Variants in SDK1 observed in about 807,000 individuals in gnomAD.
SDK1 encodes protein sidekick-1.
Under a neutral mutation model 245.5 loss-of-function variants are expected in SDK1, and 157 were observed. The observed-to-expected ratio is 0.64, with a 90% CI of 0.56 to 0.73. The LOEUF (loss-of-function observed/expected upper bound fraction) is 0.73, where lower values mean the gene tolerates loss of function less well. Among genes scored for constraint, SDK1 ranks in the 30% least tolerant of loss-of-function variants. The probability of loss-of-function intolerance (pLI) is 0.00; values close to 1 mark genes in which losing one functional copy is unlikely to be tolerated. For missense variants in SDK1, 3,583 were observed against 3,002.3 expected, an observed-to-expected ratio of 1.19 and a Z score of -4.52; for synonymous variants, 1,647 against 1,278.5, an observed-to-expected ratio of 1.29 and a Z score of -6.15.
At chr7:4,161,257 C>T (rs773953623) in intron 31 of SDK1, among the ~76,000 whole-genome samples, 38 of 152,162 alleles carry the variant, frequency 2.5e-4, no homozygotes, top group Non-Finnish European at 5.0e-4. Flanking sequence ...AGAGCAGAAC[C>T]ATGGCAGACT....
At chr7:3,951,640 T>C in intron 6 of SDK1, 90 bp from the exon 7 acceptor site, 1 of 1,166,976 alleles carries the variant, frequency 8.6e-7, no homozygotes, top group Non-Finnish European at 1.2e-6. Flanking sequence ...AGCATTAGCT[T>C]CGTCAAGCCT....
rs1781804636 is a variant in SDK1 at position 3,962,825 on chromosome 7, A to G, written c.1403A>G (p.Gln468Arg). ...GCCAGCAATGAAGGAGGGGAGATCCAGACCCACACCTACCTGGATGTAACC... is the reference window on the plus strand; with the variant it reads ...GCCAGCAATGAAGGAGGGGAGATCCGGACCCACACCTACCTGGATGTAACC... ...CFASNEGGEIQTHTYLDVTNI... is the reference protein window; with the variant it reads ...CFASNEGGEIRTHTYLDVTNI... Residue 468 changes from glutamine (Q) to arginine (R), a missense_variant, in exon 9 of 45, where the codon CAG becomes CGG. By Grantham distance (43) the Gln-to-Arg change is conservative. Transcript: ENST00000404826. 3.7e-6 allele frequency: 6 copies of G among 1,613,196 alleles called. No homozygotes were observed. Among genetic ancestry groups the G allele is most frequent in the Non-Finnish European group, 5.1e-6 (6 of 1,179,726 alleles).
chr7:3,560,328 CT>C (rs1367446648), intron 1 of SDK1, among the ~76,000 whole-genome samples: 2 of 151,954 alleles, frequency 1.3e-5, no homozygotes, highest in Non-Finnish European at 2.9e-5. Flanking sequence ...TGTCTTTTAT[CT>C]TTATTTCATC....
chr7:4,248,421 A>G (rs1787054165), intron 44 of SDK1, among the ~76,000 whole-genome samples: 1 of 151,682 alleles, frequency 6.6e-6, no homozygotes, highest in South Asian at 2.1e-4. Flanking sequence ...ACACACATGC[A>G]CACACGTATA....
intron 35 of SDK1, among the ~76,000 whole-genome samples, chr7:4,180,743 A>C (rs961142647): frequency 6.6e-5 from 10 of 152,112 alleles, no homozygotes; most frequent in African/African-American, 2.2e-4. Flanking sequence ...GCGAAGGGGG[A>C]GCAGGCATCC....
At chr7:3,711,212 A>T (rs1423696273) in intron 4 of SDK1, among the ~76,000 whole-genome samples, 1 of 152,216 alleles carries the variant, frequency 6.6e-6, no homozygotes, top group Non-Finnish European at 1.5e-5. Flanking sequence ...ATATTTTTGC[A>T]GATCTCTTCT....
intron 5 of SDK1, among the ~76,000 whole-genome samples, chr7:3,899,801 T>G (rs987930382): frequency 1.1e-4 from 16 of 152,182 alleles, no homozygotes; most frequent in Admixed American, 3.9e-4. Context: ...AGGCTGACAC[T>G]CCTCTATAGG....
At chr7:3,623,997 C>G (rs1782029387) in intron 2 of SDK1, among the ~76,000 whole-genome samples, 1 of 152,006 alleles carries the variant, frequency 6.6e-6, no homozygotes, top group Non-Finnish European at 1.5e-5. Flanking sequence ...GCAAACATTT[C>G]ACAGTATCAA....
intron 17 of SDK1, among the ~76,000 whole-genome samples, chr7:4,027,890 G>A (rs552019574): frequency 1.3e-5 from 2 of 152,058 alleles, no homozygotes; most frequent in East Asian, 3.9e-4. Context: ...TTGTGGGAAC[G>A]AGAGTAGGGG....
intron 5 of SDK1, among the ~76,000 whole-genome samples, chr7:3,847,759 C>G (rs1478322825): frequency 6.6e-6 from 1 of 152,200 alleles, no homozygotes; most frequent in African/African-American, 2.4e-5. Context: ...TGTAAGTAAT[C>G]ACATTTTAAA....
At chr7:4,213,007 C>T (rs1784584820) in intron 38 of SDK1, among the ~76,000 whole-genome samples, 1 of 152,150 alleles carries the variant, frequency 6.6e-6, no homozygotes, top group African/African-American at 2.4e-5. Flanking sequence ...GCTTCATGGG[C>T]TGGGCGCAGG....
At chr7:3,767,453 TA>T (rs145315812) in intron 4 of SDK1, among the ~76,000 whole-genome samples, 10,959 of 152,248 alleles carry the variant, frequency 0.072, 504 homozygotes, top group Middle Eastern at 0.19. Flanking sequence ...GTAAGGCTTT[TA>T]AAAAAATTGT....
intron 4 of SDK1, among the ~76,000 whole-genome samples, chr7:3,720,548 G>C (rs1467114983): frequency 1.3e-5 from 2 of 152,122 alleles, no homozygotes; most frequent in East Asian, 3.8e-4. Context: ...AAACCCATCA[G>C]AATGGATAAA....
At chr7:3,649,089 T>C (rs1297334500) in intron 4 of SDK1, among the ~76,000 whole-genome samples, 2 of 152,078 alleles carry the variant, frequency 1.3e-5, no homozygotes, top group African/African-American at 4.8e-5. Flanking sequence ...AAAGGGGAAT[T>C]GAGGCATCCC....
chr7:3,575,430 A>G (rs1370361910), intron 1 of SDK1, among the ~76,000 whole-genome samples: 1 of 151,976 alleles, frequency 6.6e-6, no homozygotes, highest in Non-Finnish European at 1.5e-5. Context: ...CATCAAACGA[A>G]TGAATTTTGG....
intron 4 of SDK1, among the ~76,000 whole-genome samples, chr7:3,675,547 C>T (rs1160500129): frequency 1.5e-5 from 2 of 133,980 alleles, no homozygotes; most frequent in African/African-American, 6.2e-5. Context: ...CTTTCTTCCT[C>T]CCCCTACTCC....
At chr7:4,237,577 T>C (rs956390852) in intron 41 of SDK1, 70 bp from the exon 42 acceptor site, 1 of 1,582,624 alleles carries the variant, frequency 6.3e-7, no homozygotes, top group East Asian at 2.2e-5. Flanking sequence ...GCCAACCACC[T>C]GACTCGCGGG....
intron 19 of SDK1, among the ~76,000 whole-genome samples, chr7:4,055,428 TG>T (rs1270642478): frequency 2.0e-5 from 3 of 152,244 alleles, no homozygotes; most frequent in African/African-American, 7.2e-5. Context: ...AGTGATGTCC[TG>T]TTTTTTATTC....
intron 4 of SDK1, among the ~76,000 whole-genome samples, chr7:3,687,176 T>TC (rs1784312107): frequency 3.5e-5 from 2 of 56,364 alleles, no homozygotes; most frequent in Admixed American, 3.3e-4. Flanking sequence ...ACACAAATGT[T>TC]CTTTTTTTTT....
Sources: allele counts gnomAD v4.1 joint callset (sites outside exome capture counted in the v4.1 genomes callset), GRCh38; gene constraint gnomAD v4.1.1; transcripts MANE v1.5; gene names NCBI Gene and HGNC (gene_info 2026-07-23, HGNC 2026-07-21).